SCN11A: variants seen among roughly 807,000 people sequenced by gnomAD.
The protein encoded by SCN11A is sodium channel protein type 11 subunit alpha.
SCN11A carries 122 observed loss-of-function variants against 162.2 expected under a neutral mutation model. That is an observed-to-expected ratio of 0.75 (90% CI 0.65 to 0.87). The LOEUF (loss-of-function observed/expected upper bound fraction) is 0.87. Among genes scored for constraint, SCN11A ranks in the 40% least tolerant of loss-of-function variants. The pLI is 0.00. For synonymous variants in SCN11A, 758 were observed against 751.5 expected (o/e 1.01, Z -0.14); for missense variants, 2,015 against 2,181.6 (o/e 0.92, Z 1.52).
At chr3:38,998,445 CTT>C (rs1344830120) in intron 2 of SCN11A, among the ~76,000 whole-genome samples, 1 of 152,062 alleles carries the variant, frequency 6.6e-6, no homozygotes, top group Non-Finnish European at 1.5e-5. Flanking sequence ...TTTGTAAGCT[CTT>C]ATAAGGTAGA....
chr3:38,928,700 C>G (rs887161870), intron 7 of SCN11A, among the ~76,000 whole-genome samples: 1 of 152,090 alleles, frequency 6.6e-6, no homozygotes, highest in African/African-American at 2.4e-5. Context: ...ACATCACTAA[C>G]CATTAGAAAA....
chr3:38,958,436 C>T (rs1490678540), intron 3 of SCN11A, among the ~76,000 whole-genome samples: 1 of 152,232 alleles, frequency 6.6e-6, no homozygotes, highest in Admixed American at 6.5e-5. Flanking sequence ...CCATCACCTG[C>T]TTCTGTTATG....
chr3:38,908,854 G>A, intron 13 of SCN11A, 143 bp downstream of exon 13: 2 of 709,328 alleles, frequency 2.8e-6, no homozygotes, highest in South Asian at 3.5e-5. Context: ...TTCTTCGAGG[G>A]ACTTATATTC....
intron 2 of SCN11A, among the ~76,000 whole-genome samples, chr3:39,027,901 C>A (rs1413837212): frequency 6.6e-6 from 1 of 152,182 alleles, no homozygotes; most frequent in Non-Finnish European, 1.5e-5. Flanking sequence ...CTAGCTGCAT[C>A]CCTCTCAGCC....
intron 7 of SCN11A, among the ~76,000 whole-genome samples, chr3:38,928,812 T>C (rs1242776192): frequency 1.3e-5 from 2 of 152,150 alleles, no homozygotes; most frequent in African/African-American, 4.8e-5. Context: ...TGTGAAGAAA[T>C]GGGAACACTT....
At position 38,871,703 on chromosome 3, in the gene SCN11A, C is replaced by G; in HGVS notation, c.3501G>C (p.Val1167=). 1 of 1,594,464 alleles carries G rather than the reference C, an allele frequency of 6.3e-7. No individual in the cohort carries two copies. Among genetic ancestry groups the G allele is most frequent in the Non-Finnish European group, 8.5e-7 (1 of 1,173,556 alleles). The change falls in exon 25 of 30, where the codon GTG becomes GTC. Residue 1167 remains valine, a synonymous_variant. Transcript: ENST00000302328. ...GTATGGCACCTATGAGAGCATTGAC[C>G]ACCACCTTATGGAAACAAAAGCAAA... The part of the protein sequence containing the change: ...ALSQFEGMKV[V]VNALIGAIPA...
At chr3:38,963,387 GATGGAGATA>G (rs1559558251) in intron 2 of SCN11A, among the ~76,000 whole-genome samples, 28 of 48,706 alleles carry the variant, frequency 5.7e-4, no homozygotes, top group African/African-American at 2.5e-3. Context: ...ATATATATAT[GATGGAGATA>G]TATATATATA....
chr3:38,963,376 TATATATATATGATGGAG>T (rs1386639349), intron 2 of SCN11A, among the ~76,000 whole-genome samples: 17 of 85,826 alleles, frequency 2.0e-4, no homozygotes, highest in East Asian at 3.2e-4. Flanking sequence ...TATATATATA[TATATATATATGATGGAG>T]ATATATATAT....
intron 7 of SCN11A, among the ~76,000 whole-genome samples, chr3:38,927,853 G>A (rs1202797325): frequency 1.3e-5 from 2 of 152,186 alleles, no homozygotes; most frequent in East Asian, 3.9e-4. Flanking sequence ...TCTACCACAC[G>A]TTAGGATTAT....
chr3:38,874,133 C>T (rs1047387007), intron 23 of SCN11A, among the ~76,000 whole-genome samples: 5 of 152,132 alleles, frequency 3.3e-5, no homozygotes, highest in African/African-American at 1.2e-4. Context: ...GTGATTTTTA[C>T]TTAATATAGT....
intron 2 of SCN11A, among the ~76,000 whole-genome samples, chr3:39,005,011 G>A (rs528852458): frequency 1.3e-5 from 2 of 152,168 alleles, no homozygotes; most frequent in Non-Finnish European, 2.9e-5. Flanking sequence ...ACAACTCTAA[G>A]GATTTCACAT....
rs2066572947 is a variant in SCN11A, at chr3:38,949,767, T to A, written c.267+329A>T. 2.6e-5 allele frequency among the ~76,000 whole-genome samples: 4 copies of A among 152,188 alleles called. No homozygotes were observed. The South Asian group carries it at 8.3e-4, about 31-fold the overall frequency. ...GACTTGCCCAGAGTCATAAAGCCAA[T>A]CAATTGAAATGGCCTGTATCTAACT... On this transcript the variant is annotated intron_variant, in intron 5 of 29. Transcript: ENST00000302328.
In SCN11A at chr3:38,846,869, T is replaced by C; in HGVS notation, c.5201A>G (p.Glu1734Gly). Residue 1734 changes from glutamate (E) to glycine (G), a missense_variant, in exon 30 of 30, where the codon GAA becomes GGA. By Grantham distance (98) the Glu-to-Gly change is moderately conservative. Transcript: ENST00000302328. ...IVTTTKRKEE[E>G]RGAAIIQKAF... ...CTTTTGAATAATAGCAGCACCTCTT[T>C]CCTCTTCCTTTCTCTTGGTGGTGGT... 3.1e-6 allele frequency: 5 copies of C among 1,614,124 alleles called. No homozygotes were observed. Among genetic ancestry groups the C allele is most frequent in the Non-Finnish European group, 3.4e-6 (4 of 1,180,006 alleles).
At chr3:38,987,299 T>TCACACA (rs1331997215) in intron 2 of SCN11A, among the ~76,000 whole-genome samples, 41 of 111,754 alleles carry the variant, frequency 3.7e-4, no homozygotes, top group African/African-American at 1.1e-3. Context: ...TCTCTCTCTC[T>TCACACA]CTCTCACACA....
intron 7 of SCN11A, among the ~76,000 whole-genome samples, chr3:38,929,133 A>ACG (rs1367470027): frequency 1.4e-5 from 2 of 147,588 alleles, no homozygotes; most frequent in African/African-American, 2.6e-5. Context: ...GGGTCTGTGC[A>ACG]CGCACACACA....
intron 2 of SCN11A, among the ~76,000 whole-genome samples, chr3:39,003,786 T>C (rs2030886362): frequency 6.6e-6 from 1 of 152,230 alleles, no homozygotes. Flanking sequence ...ATCTGTGATA[T>C]TAAACTTTTC....
At chr3:38,912,436 TC>T (rs1416584424) in intron 11 of SCN11A, among the ~76,000 whole-genome samples, 1 of 152,100 alleles carries the variant, frequency 6.6e-6, no homozygotes, top group East Asian at 1.9e-4. Flanking sequence ...CACACCAACA[TC>T]CCCTCTTCAA....
At chr3:38,940,915 T>C (rs1383987474) in intron 7 of SCN11A, among the ~76,000 whole-genome samples, 1 of 152,134 alleles carries the variant, frequency 6.6e-6, no homozygotes, top group Non-Finnish European at 1.5e-5. Flanking sequence ...CTCCCACAGA[T>C]AATGAGTATT....
chr3:38,883,957 G>A (rs991630476), intron 21 of SCN11A, among the ~76,000 whole-genome samples: 1 of 152,208 alleles, frequency 6.6e-6, no homozygotes, highest in African/African-American at 2.4e-5. Context: ...GGTCATACAC[G>A]AAAGAATTTG....
Sources: allele counts gnomAD v4.1 joint callset (sites outside exome capture counted in the v4.1 genomes callset), GRCh38; gene constraint gnomAD v4.1.1; transcripts MANE v1.5; gene names NCBI Gene and HGNC (gene_info 2026-07-23, HGNC 2026-07-21).